The following TSPYL6 variants were observed in gnomAD, a reference collection of about 807,000 sequenced individuals.
TSPYL6 encodes the protein TSPY like 6.
For missense variants in TSPYL6, 699 were observed against 531.5 expected (o/e 1.32, Z -3.10); for synonymous variants, 259 against 214.8 (o/e 1.21, Z -1.80).
In TSPYL6 at chr2:54,255,920, C is replaced by T; in HGVS notation, c.232G>A (p.Gly78Ser). Residue 78 changes from glycine to serine, a missense_variant, in exon 1 of 1, where the codon GGT (glycine) becomes AGT (serine). Transcript: ENST00000317802. ...GCTTTGATGGCTCCATGACTGCGACCCGCATCGACCAAGATGTGGAAAGTA... is the reference window on the plus strand; with the variant it reads ...GCTTTGATGGCTCCATGACTGCGACTCGCATCGACCAAGATGTGGAAAGTA... ...GHTFHILVDA[G>S]RSHGAIKAGQ... 4.3e-6 allele frequency: 7 copies of T among 1,614,104 alleles called. No homozygotes were observed. The highest frequency in any genetic ancestry group is 5.9e-6 in the Non-Finnish European group (7 of 1,180,000).
chr2:54,255,862 C>G lies in TSPYL6; in HGVS notation c.290G>C (p.Gly97Ala). ...GQEVTPPPAE[G>A]LEAASASLTT... ...CAGCGAGGCAGAGGCCGCTTCTAGG[C>G]CCTCCGCGGGTGGTGGAGTCACTTC... Residue 97 changes from glycine to alanine, a missense_variant, in exon 1 of 1, where the codon GGC becomes GCC. Gly to Ala is a moderately conservative substitution (Grantham distance 60). Coordinates refer to ENST00000317802, the MANE Select transcript of TSPYL6 (RefSeq NM_001003937.3). 1 of 1,614,006 alleles carries G rather than the reference C, an allele frequency of 6.2e-7. No homozygotes were observed. Among genetic ancestry groups the G allele is most frequent in the Non-Finnish European group, 8.5e-7 (1 of 1,180,014 alleles).
Position 54,254,727 on chromosome 2 carries a change from G to C in TSPYL6, c.*192C>G, listed in dbSNP as rs940048108. ...TGATGTTAATGCAGAATAGCAAGAC[G>C]ACCAGGTGAAAGGGGAGCAGCACAG... On this transcript the variant is annotated 3_prime_UTR_variant, in exon 1 of 1. Coordinates refer to ENST00000317802, the MANE Select transcript of TSPYL6 (RefSeq NM_001003937.3). 3.4e-6 allele frequency: 2 copies of C among 581,676 alleles called. No homozygotes were observed. Among genetic ancestry groups the C allele is most frequent in the African/African-American group, 3.7e-5 (2 of 53,764 alleles). The allele number at this position is 581,676 out of a possible 1,614,324, so 36.0% of individuals were successfully genotyped here.
At position 54,254,011 on chromosome 2, in the gene TSPYL6, G is replaced by A. The variant is rs1280409342; in HGVS notation, c.*908C>T. On this transcript the variant is annotated 3_prime_UTR_variant, in exon 1 of 1. Transcript: ENST00000317802. ...AGAAAAGAAAGTGTACACTCACTCT[G>A]GCACTTCATTAGGTTCAGGAAGGGA... 2 of 152,166 alleles carry A rather than the reference G, an allele frequency of 1.3e-5. No homozygotes were observed. Among genetic ancestry groups the A allele is most frequent in the East Asian group, 3.8e-4 (2 of 5,200 alleles). 9.4% of individuals were successfully genotyped at this position (152,166 alleles called of 1,614,324 possible). A position where few individuals can be genotyped will look rare whatever the true frequency, so the allele number is the denominator to read the frequency against.
Position 54,253,205 on chromosome 2 carries a change from C to T in TSPYL6, c.*1714G>A, listed in dbSNP as rs1687317013. 1 of 152,132 alleles carries T rather than the reference C, an allele frequency of 6.6e-6. No homozygotes were observed. The highest frequency in any genetic ancestry group is 2.4e-5 in the African/African-American group (1 of 41,404). The allele number at this position is 152,132 out of a possible 1,614,324, so 9.4% of individuals were successfully genotyped here. Reference sequence around the variant, plus strand: ...CATAAATATTTTGTAGTTTATTTACCCATGAACACAATAGTTTCCAGTCTT... The same window carrying T: ...CATAAATATTTTGTAGTTTATTTACTCATGAACACAATAGTTTCCAGTCTT... On this transcript the variant is annotated 3_prime_UTR_variant, in exon 1 of 1. Transcript: ENST00000317802.
At position 54,255,339 on chromosome 2, in the gene TSPYL6, G is replaced by C. The variant is rs777341981; in HGVS notation, c.813C>G (p.Ala271=). 7 of 1,614,002 alleles carry C rather than the reference G, an allele frequency of 4.3e-6. No individual in the cohort carries two copies. The highest frequency in any genetic ancestry group is 5.9e-6 in the Non-Finnish European group (7 of 1,180,040). The change falls in exon 1 of 1, where the codon GCC becomes GCG. Residue 271 remains alanine, a synonymous_variant. Transcript: ENST00000317802. ...QLSAMIRGQD[A]EMLSYLTNLE... ...AATTGGTTAAGTAGCTTAACATCTC[G>C]GCATCTTGGCCTCTAATCATGGCAG...
Position 54,255,965 on chromosome 2 carries a change from C to G in TSPYL6, c.187G>C (p.Asp63His). The G allele has an allele frequency of 6.2e-7, 1 of 1,614,108 alleles. No individual in the cohort carries two copies. Among genetic ancestry groups the G allele is most frequent in the Non-Finnish European group, 8.5e-7 (1 of 1,180,008 alleles). The change falls in exon 1 of 1, where the codon GAT becomes CAT. Residue 63 changes from aspartate (D) to histidine (H), a missense_variant. Physicochemically the swap from Asp to His is moderately conservative, Grantham distance 81. Transcript: ENST00000317802. The stretch of plus-strand genomic sequence containing the variant: ...AAAGTATGGCCACCATCTGCGGGAT[C>G]CTGGGGCGCGACCCCCTCCTCTGGA... The part of the protein sequence containing the change: ...RLPEEGVAPQ[D>H]PADGGHTFHI...
chr2:54,256,083 G>GC, the TSPYL6 span: 125 of 1,614,136 alleles, frequency 7.7e-5, no homozygotes, highest in African/African-American at 1.3e-3. Context: ...GGGACCTCTG[G>GC]CCCTGGTGCG....
Position 54,256,225 on chromosome 2 carries a change from A to G in TSPYL6, c.-74T>C, listed in dbSNP as rs1687525829. The G allele has an allele frequency of 6.6e-7, 1 of 1,511,576 alleles. No individual in the cohort carries two copies. The highest frequency in any genetic ancestry group is 1.9e-4 in the Middle Eastern group (1 of 5,156). The allele number at this position is 1,511,576 out of a possible 1,614,324, so 93.6% of individuals were successfully genotyped here. ...GTAGCGTCAACGTTCCTCACACAAAATGGCGAGTAAACACCTCGCCCATTT... is the reference window on the plus strand; with the variant it reads ...GTAGCGTCAACGTTCCTCACACAAAGTGGCGAGTAAACACCTCGCCCATTT... On this transcript the variant is annotated 5_prime_UTR_variant, in exon 1 of 1. Coordinates refer to ENST00000317802, the MANE Select transcript of TSPYL6 (RefSeq NM_001003937.3).
rs763983195 is a variant in TSPYL6 at position 54,255,674 on chromosome 2, C to T, written c.478G>A (p.Ala160Thr). 3.1e-6 allele frequency: 5 copies of T among 1,613,792 alleles called. No homozygotes were observed. In the African/African-American group the frequency reaches 6.7e-5, roughly 22 times the overall value. ...VKPEECAMFS[A>T]PVDEKPGGEE... ...CCTCCTGGCTTCTCATCCACTGGGGCTGAGAACATGGCACACTCCTCAGGC... is the reference window on the plus strand; with the variant it reads ...CCTCCTGGCTTCTCATCCACTGGGGTTGAGAACATGGCACACTCCTCAGGC... Residue 160 changes from alanine (A) to threonine (T), a missense_variant, in exon 1 of 1, where the codon GCC (alanine) becomes ACC (threonine). Ala to Thr is a moderately conservative substitution (Grantham distance 58, BLOSUM62 0). Coordinates refer to ENST00000317802, the MANE Select transcript of TSPYL6 (RefSeq NM_001003937.3).
chr2:54,255,824 T>TG, the TSPYL6 span: 4 of 1,614,010 alleles, frequency 2.5e-6, no homozygotes, highest in Non-Finnish European at 3.4e-6. Flanking sequence ...TTTTTGAGGC[T>TG]GCCGTCAGTT....
the TSPYL6 span, chr2:54,255,134 T>TG: frequency 6.2e-7 from 1 of 1,614,020 alleles, no homozygotes; most frequent in African/African-American, 1.3e-5. Flanking sequence ...TTCCTATGAA[T>TG]GAAGGACTGG....
rs1336514002 is a variant in TSPYL6, at chr2:54,253,897, G to A, written c.*1022C>T. 6.6e-6 allele frequency: 1 copy of A among 152,134 alleles called. No individual in the cohort carries two copies. Among genetic ancestry groups the A allele is most frequent in the Admixed American group, 6.5e-5 (1 of 15,276 alleles). The allele number at this position is 152,134 out of a possible 1,614,324, so 9.4% of individuals were successfully genotyped here. Reference sequence around the variant, plus strand: ...CTCTGGACATGACAAAGAGAGCCAAGAAACTAAAAAGCCTGCTTCTGCGGA... The same window carrying A: ...CTCTGGACATGACAAAGAGAGCCAAAAAACTAAAAAGCCTGCTTCTGCGGA... On this transcript the variant is annotated 3_prime_UTR_variant, in exon 1 of 1. Coordinates refer to ENST00000317802, the MANE Select transcript of TSPYL6 (RefSeq NM_001003937.3).
At position 54,256,193 on chromosome 2, in the gene TSPYL6, G is replaced by C. The variant is rs765017504; in HGVS notation, c.-42C>G. 6.4e-7 allele frequency: 1 copy of C among 1,553,792 alleles called. No homozygotes were observed. Among genetic ancestry groups the C allele is most frequent in the African/African-American group, 1.4e-5 (1 of 72,814 alleles). The stretch of plus-strand genomic sequence containing the variant: ...GCAGCAGTGGGTAGAGGCCAGGCCA[G>C]AGGTAGGTAGCGTCAACGTTCCTCA... On this transcript the variant is annotated 5_prime_UTR_variant, in exon 1 of 1. Transcript: ENST00000317802.
rs374685019 is a variant in TSPYL6 at position 54,254,983 on chromosome 2, G to A, written c.1169C>T (p.Ala390Val). Residue 390 changes from alanine (A) to valine (V), a missense_variant, in exon 1 of 1, where the codon GCT (alanine) becomes GTT (valine). Physicochemically the swap from Ala to Val is moderately conservative, Grantham distance 64. Coordinates refer to ENST00000317802, the MANE Select transcript of TSPYL6 (RefSeq NM_001003937.3). ...YYLLGEDAHR[A>V]RRRLVREPVE... ...TGGCTCCCTTACCAGGCGACGTCTA[G>A]CTCTATGGGCGTCTTCACCCAACAG... 4 of 1,613,994 alleles carry A rather than the reference G, an allele frequency of 2.5e-6. No individual in the cohort carries two copies. The highest frequency in any genetic ancestry group is 3.4e-6 in the Non-Finnish European group (4 of 1,180,032).
Position 54,254,347 on chromosome 2 carries a change from C to T in TSPYL6, c.*572G>A, listed in dbSNP as rs1025167231. The T allele has an allele frequency of 6.5e-6, 1 of 152,728 alleles. No individual in the cohort carries two copies. Among genetic ancestry groups the T allele is most frequent in the Admixed American group, 6.5e-5 (1 of 15,324 alleles). 9.5% of individuals were successfully genotyped at this position (152,728 alleles called of 1,614,324 possible). On this transcript the variant is annotated 3_prime_UTR_variant, in exon 1 of 1. Transcript: ENST00000317802. ...GGCAATGGTCTGGGATATGTTCACT[C>T]AGCAGGGAGCTGCCCAAGTAGCAGT...
chr2:54,255,469 C>A lies in TSPYL6; in HGVS notation c.683G>T (p.Arg228Leu). ...EADRALLQVE[R>L]RFGQIHEYYL... is the part of the protein sequence containing the mutation. Reference sequence around the variant, plus strand: ...GTATTCATGAATCTGCCCAAACCTGCGCTCCACCTGCAGGAGCGCCCTGTC... The same window carrying A: ...GTATTCATGAATCTGCCCAAACCTGAGCTCCACCTGCAGGAGCGCCCTGTC... The change falls in exon 1 of 1, where the codon CGC becomes CTC. Residue 228 changes from arginine (R) to leucine (L), a missense_variant. Arg to Leu is a moderately radical substitution (Grantham distance 102). Coordinates refer to ENST00000317802, the MANE Select transcript of TSPYL6 (RefSeq NM_001003937.3). The A allele has an allele frequency of 6.2e-7, 1 of 1,614,054 alleles. No homozygotes were observed. The highest frequency in any genetic ancestry group is 1.1e-5 in the South Asian group (1 of 91,066).
Position 54,255,898 on chromosome 2 carries a change from T to C in TSPYL6, c.254A>G (p.Lys85Arg). Reference sequence around the variant, plus strand: ...TGGTGGAGTCACTTCCTGCCCCGCTTTGATGGCTCCATGACTGCGACCCGC... The same window carrying C: ...TGGTGGAGTCACTTCCTGCCCCGCTCTGATGGCTCCATGACTGCGACCCGC... ...VDAGRSHGAI[K>R]AGQEVTPPPA... Residue 85 changes from lysine to arginine, a missense_variant, in exon 1 of 1, where the codon AAA becomes AGA. Lys to Arg is a conservative substitution (Grantham distance 26). Transcript: ENST00000317802. 1 of 1,614,080 alleles carries C rather than the reference T, an allele frequency of 6.2e-7. No individual in the cohort carries two copies. Among genetic ancestry groups the C allele is most frequent in the East Asian group, 2.2e-5 (1 of 44,870 alleles).
chr2:54,254,752 G>T lies in TSPYL6; in HGVS notation c.*167C>A. ...GACCAGGTGAAAGGGGAGCAGCACA[G>T]CCACCAAGGTCTCAATCTTCAGGTT... On this transcript the variant is annotated 3_prime_UTR_variant, in exon 1 of 1. Transcript: ENST00000317802. The T allele has an allele frequency of 3.1e-6, 2 of 643,882 alleles. No individual in the cohort carries two copies. Among genetic ancestry groups the T allele is most frequent in the Non-Finnish European group, 5.3e-6 (2 of 380,852 alleles). The allele number at this position is 643,882 out of a possible 1,614,324, so 39.9% of individuals were successfully genotyped here. A position where few individuals can be genotyped will look rare whatever the true frequency, so the allele number is the denominator to read the frequency against.
Position 54,255,066 on chromosome 2 carries a change from G to A in TSPYL6, c.1086C>T (p.Ser362=), listed in dbSNP as rs762632198. 9.3e-6 allele frequency: 15 copies of A among 1,613,976 alleles called. 1 individual carries two copies. Among genetic ancestry groups the A allele is most frequent in the East Asian group, 8.9e-5 (4 of 44,882 alleles). Reference sequence around the variant, plus strand: ...CTTTAATAATCTGAGCAATCCTGTCGGACTCTGGAAGGCTGTGGTCTGAAA... The same window carrying A: ...CTTTAATAATCTGAGCAATCCTGTCAGACTCTGGAAGGCTGTGGTCTGAAA... ...TWFSDHSLPE[S]DRIAQIIKED... Residue 362 remains serine (S), a synonymous_variant, in exon 1 of 1, where the codon TCC becomes TCT. Transcript: ENST00000317802.
Sources: gnomAD v4.1 joint callset for allele counts on GRCh38, gnomAD v4.1.1 for gene constraint, MANE v1.5 for transcripts, NCBI Gene and HGNC (gene_info 2026-07-23, HGNC 2026-07-21) for gene names.